ALG9: variants seen among roughly 807,000 people sequenced by gnomAD.
ALG9 encodes the protein ALG9 alpha-1,2-mannosyltransferase.
Under a neutral mutation model 81.8 loss-of-function variants are expected in ALG9, and 55 were observed. That is an observed-to-expected ratio of 0.67 (90% confidence interval 0.54 to 0.84). ALG9 has a LOEUF of 0.84. Among genes scored for constraint, ALG9 ranks in the 40% least tolerant of loss-of-function variants. ALG9 has a pLI of 0.00. For missense variants in ALG9, 629 were observed against 745.0 expected (o/e 0.84, Z 1.81); for synonymous variants, 278 against 274.3 (o/e 1.01, Z -0.13).
intron 13 of ALG9, chr11:111,828,842 ACAGTC>A (rs1276813803): frequency 6.6e-6 from 1 of 152,208 alleles, no homozygotes; most frequent in Non-Finnish European, 1.5e-5. Context: ...AAAATCACTT[ACAGTC>A]CTCCGACCCA....
chr11:111,800,354 G>A (rs1215920061), intron 14 of ALG9, among the ~76,000 whole-genome samples: 6 of 151,798 alleles, frequency 4.0e-5, no homozygotes, highest in African/African-American at 1.2e-4. Flanking sequence ...GGTGGCACGC[G>A]CCTGTAGTCC....
intron 14 of ALG9, among the ~76,000 whole-genome samples, chr11:111,798,515 GGGGAC>G (rs1555077502): frequency 6.6e-6 from 1 of 152,120 alleles, no homozygotes; most frequent in Non-Finnish European, 1.5e-5. Context: ...ACTCCTCTCT[GGGGAC>G]TCTCAGAGTA....
At chr11:111,780,230 A>G (rs1945853235), downstream of ALG9, among the ~76,000 whole-genome samples, 1 of 152,182 alleles carries the variant, frequency 6.6e-6, no homozygotes, top group Non-Finnish European at 1.5e-5. Flanking sequence ...GGAATATTCA[A>G]TAAAGGTACC....
chr11:111,840,080 T>C (rs942718657), intron 10 of ALG9, among the ~76,000 whole-genome samples: 1 of 152,198 alleles, frequency 6.6e-6, no homozygotes, highest in Non-Finnish European at 1.5e-5. Context: ...GTAAACTGTA[T>C]GGTTTGTGAA....
chr11:111,855,956 C>T (rs144693488), intron 6 of ALG9, among the ~76,000 whole-genome samples: 180 of 152,190 alleles, frequency 1.2e-3, no homozygotes, highest in African/African-American at 4.2e-3. Context: ...TAGGTAAATT[C>T]CCACAAGTGC....
intron 14 of ALG9, among the ~76,000 whole-genome samples, chr11:111,805,920 G>C (rs1349183394): frequency 6.6e-6 from 1 of 152,084 alleles, no homozygotes; most frequent in African/African-American, 2.4e-5. Flanking sequence ...GCAGTGGTGT[G>C]ATCTTGGCTC....
At chr11:111,840,945 C>G in intron 9 of ALG9, 136 bp from the exon 10 acceptor site, 2 of 1,031,596 alleles carry the variant, frequency 1.9e-6, no homozygotes, top group Admixed American at 4.1e-5. Context: ...CTTGTATTCA[C>G]ACTTTCTCCA....
intron 4 of ALG9, among the ~76,000 whole-genome samples, chr11:111,861,770 C>CT (rs1252924075): frequency 1.1e-3 from 164 of 151,416 alleles, no homozygotes; most frequent in Non-Finnish European, 1.8e-3. Context: ...AGGCTTCTTC[C>CT]TTTTTTTTTC....
intron 14 of ALG9, among the ~76,000 whole-genome samples, chr11:111,801,758 C>A (rs575525504): frequency 9.2e-5 from 14 of 152,138 alleles, no homozygotes. Context: ...AAAATCATGC[C>A]CTGAACACAA....
chr11:111,841,123 C>G (rs367692208), intron 9 of ALG9, among the ~76,000 whole-genome samples: 30 of 152,228 alleles, frequency 2.0e-4, no homozygotes, highest in African/African-American at 6.7e-4. Flanking sequence ...GAAAAATAAG[C>G]CGTCTCCTTT....
the ALG9 span, among the ~76,000 whole-genome samples, chr11:111,770,603 G>A: frequency 2.6e-4 from 40 of 152,278 alleles, no homozygotes; most frequent in Non-Finnish European, 4.7e-4. Flanking sequence ...GGAGGCTGAG[G>A]TGAGATGATC....
chr11:111,857,938 T>A, intron 5 of ALG9: 1 of 589,880 alleles, frequency 1.7e-6, no homozygotes. Flanking sequence ...CTTATTTTTC[T>A]CACTCCTGGT....
In ALG9 at chr11:111,844,464, C is replaced by T. The variant is rs139375724; in HGVS notation, c.1018+137G>A. 3 of 1,299,234 alleles carry T rather than the reference C, an allele frequency of 2.3e-6. No homozygotes were observed. In the East Asian group the frequency reaches 7.0e-5, roughly 30 times the overall value. The allele number at this position is 1,299,234 out of a possible 1,614,324, so 80.5% of individuals were successfully genotyped here. On this transcript the variant is annotated intron_variant, in intron 9 of 14. Coordinates refer to ENST00000616540, the MANE Select transcript of ALG9 (RefSeq NM_024740.2). ...GGTTCAATGGATCAACAAACACAGACTGAAAATTCAGTAAGCCAACCATTT... is the reference window on the plus strand; with the variant it reads ...GGTTCAATGGATCAACAAACACAGATTGAAAATTCAGTAAGCCAACCATTT...
In ALG9 at chr11:111,809,667, T is replaced by C. The variant is rs1565750858; in HGVS notation, c.1709A>G (p.Tyr570Cys). 17 of 1,614,118 alleles carry C rather than the reference T, an allele frequency of 1.1e-5. No homozygotes were observed. Among genetic ancestry groups the C allele is most frequent in the Non-Finnish European group, 1.4e-5 (16 of 1,179,980 alleles). ...SNKEEWISLA[Y>C]RPFLDASRSS... ...CCTAGAAGCATCAAGGAATGGTCTA[T>C]AGGCCAAGCTGATCCATTCTTCTTT... The change falls in exon 14 of 15, where the codon TAT becomes TGT. Residue 570 changes from tyrosine to cysteine, a missense_variant. By Grantham distance (194) the Tyr-to-Cys change is radical. This residue lies in a region of ALG9 where 264 missense variants were observed against 302.2 expected (regional missense o/e 0.87). Transcript: ENST00000616540.
chr11:111,821,248 C>T (rs576432297), intron 13 of ALG9, among the ~76,000 whole-genome samples: 11 of 152,230 alleles, frequency 7.2e-5, no homozygotes, highest in Admixed American at 3.3e-4. Context: ...TTCTGCTCCA[C>T]GGGAGGCTTC....
intron 14 of ALG9, 79 bp from the exon 15 acceptor site, chr11:111,786,599 T>C: frequency 2.8e-6 from 4 of 1,449,256 alleles, no homozygotes; most frequent in South Asian, 2.4e-5. Flanking sequence ...TTAAAATAAA[T>C]AAACTAATCT....
rs1258770879 is a variant in ALG9, at chr11:111,782,913, A to G, written c.*3484T>C. ...AAACTTGAATTCGGTAATAAAGAGT[A>G]TGGGCTGCAATTTTCTGTGATTATC... On this transcript the variant is annotated 3_prime_UTR_variant, in exon 15 of 15. Transcript: ENST00000616540. The G allele has an allele frequency of 6.6e-6, 1 of 152,220 alleles. No homozygotes were observed. Among genetic ancestry groups the G allele is most frequent in the Non-Finnish European group, 1.5e-5 (1 of 68,026 alleles). 9.4% of individuals were successfully genotyped at this position (152,220 alleles called of 1,614,324 possible). A position where few individuals can be genotyped will look rare whatever the true frequency, so the allele number is the denominator to read the frequency against.
At chr11:111,850,431 C>T (rs1555136518) in intron 8 of ALG9, among the ~76,000 whole-genome samples, 1 of 152,026 alleles carries the variant, frequency 6.6e-6, no homozygotes, top group Admixed American at 6.6e-5. Context: ...TCAGGCCAGG[C>T]ATGGTGGCTC....
At chr11:111,821,550 T>C (rs1555103696) in intron 13 of ALG9, among the ~76,000 whole-genome samples, 3 of 152,222 alleles carry the variant, frequency 2.0e-5, no homozygotes. Context: ...GAATCTGTTC[T>C]TACAGAAATG....
Sources: gnomAD v4.1 joint callset for allele counts (sites outside exome capture counted in the v4.1 genomes callset) on GRCh38, gnomAD v4.1.1 for gene constraint, gnomAD v4.1.1 regional missense constraint, MANE v1.5 for transcripts, NCBI Gene and HGNC (gene_info 2026-07-23, HGNC 2026-07-21) for gene names.